Variants in KCTD18 observed in about 807,000 individuals in gnomAD.
KCTD18 encodes potassium channel tetramerization domain containing 18.
Under a neutral mutation model 30.4 loss-of-function variants are expected in KCTD18, and 22 were observed. The ratio of observed to expected loss-of-function variants is 0.72; its 90% CI spans 0.52 to 1.03. The LOEUF is 1.03. KCTD18 is among the 50% of genes least tolerant of loss of function. The probability of loss-of-function intolerance (pLI) is 0.00; values close to 1 mark genes in which losing one functional copy is unlikely to be tolerated. For synonymous variants in KCTD18, 186 were observed against 209.0 expected (o/e 0.89, Z 0.95); for missense variants, 529 against 547.6 (o/e 0.97, Z 0.34).
At chr2:200,506,340 C>A (rs1386003384) in intron 2 of KCTD18, among the ~76,000 whole-genome samples, 1 of 152,182 alleles carries the variant, frequency 6.6e-6, no homozygotes, top group Non-Finnish European at 1.5e-5. Context: ...GTCCGCTGCC[C>A]CTTTGCCTCT....
chr2:200,490,016 G>A lies in KCTD18; in HGVS notation c.*84C>T. On this transcript the variant is annotated 3_prime_UTR_variant, in exon 7 of 7. Transcript: ENST00000359878. ...CATAAACCTAAGCTTCCCCTCTGCT[G>A]CATTAAGAAAGTGTCACTTCTTTGC... 1.5e-6 allele frequency: 2 copies of A among 1,374,332 alleles called. No homozygotes were observed. The highest frequency in any genetic ancestry group is 2.0e-6 in the Non-Finnish European group (2 of 1,024,920). The allele number at this position is 1,374,332 out of a possible 1,614,324, so 85.1% of individuals were successfully genotyped here. A position where few individuals can be genotyped will look rare whatever the true frequency, so the allele number is the denominator to read the frequency against.
intron 6 of KCTD18, among the ~76,000 whole-genome samples, chr2:200,492,024 T>C (rs2087927187): frequency 6.6e-6 from 1 of 152,190 alleles, no homozygotes; most frequent in South Asian, 2.1e-4. Flanking sequence ...TCATCATCGT[T>C]ATCCTGTTGA....
chr2:200,492,224 C>T (rs2087930558), intron 6 of KCTD18, among the ~76,000 whole-genome samples: 1 of 152,078 alleles, frequency 6.6e-6, no homozygotes, highest in South Asian at 2.1e-4. Context: ...GGGGGGCTGC[C>T]CTGTGCACTG....
chr2:200,504,857 AG>A lies in KCTD18; in HGVS notation c.262del (p.Leu88TyrfsTer29). ...GCCAAAGTAATCAGCCTCTTCCTGT[AG>A]GGCGATGCGGGTTTGCTCATCTGTG... is the stretch of plus-strand genomic sequence containing the variant. ...IPTDEQTRIA[L>X]QEEADYFGIP... On this transcript the variant is annotated frameshift_variant, in exon 3 of 7. Transcript: ENST00000359878. LOFTEE classifies it high-confidence loss of function. 1 of 1,614,182 alleles carries A rather than the reference AG, an allele frequency of 6.2e-7. No homozygotes were observed. The highest frequency in any genetic ancestry group is 8.5e-7 in the Non-Finnish European group (1 of 1,180,012).
intron 5 of KCTD18, chr2:200,496,655 C>T (rs12477444): frequency 0.35 from 53,371 of 151,914 alleles, 10,298 homozygotes; most frequent in East Asian, 0.6. Flanking sequence ...CCACCATGCC[C>T]GGCTAATTTT....
chr2:200,508,342 G>A (rs144629404), intron 1 of KCTD18, among the ~76,000 whole-genome samples: 2,810 of 152,186 alleles, frequency 0.018, 47 homozygotes, highest in South Asian at 0.038. Flanking sequence ...CACCCACCTC[G>A]GCCTCCCAAA....
chr2:200,502,570 C>A (rs2029915047), intron 3 of KCTD18, among the ~76,000 whole-genome samples: 1 of 152,226 alleles, frequency 6.6e-6, no homozygotes. Context: ...TGGCACTTAT[C>A]AACCTATTCA....
In KCTD18 at chr2:200,490,565, A is replaced by T. The variant is rs2087899570; in HGVS notation, c.816T>A (p.Gly272=). 6.2e-7 allele frequency: 1 copy of T among 1,600,992 alleles called. No individual in the cohort carries two copies. Among genetic ancestry groups the T allele is most frequent in the Non-Finnish European group, 8.5e-7 (1 of 1,179,944 alleles). Residue 272 remains glycine (G), a synonymous_variant, in exon 7 of 7, where the codon GGT becomes GGA. Coordinates refer to ENST00000359878, the MANE Select transcript of KCTD18 (RefSeq NM_152387.4). ...EADESVNYKT[G]PKPVRFLGPS... ...GGCCCAAAAATCTAACTGGCTTAGG[A>T]CCAGTCTTATAGTTCACACTTTCGT...
At chr2:200,495,292 C>T (rs1030001807) in intron 5 of KCTD18, among the ~76,000 whole-genome samples, 2 of 152,108 alleles carry the variant, frequency 1.3e-5, no homozygotes, top group Admixed American at 1.3e-4. Flanking sequence ...TTTAAAATAA[C>T]TTTAATCGCT....
At chr2:200,508,602 G>C (rs1559188164) in intron 1 of KCTD18, among the ~76,000 whole-genome samples, 1 of 152,038 alleles carries the variant, frequency 6.6e-6, no homozygotes, top group African/African-American at 2.4e-5. Context: ...TTTACTCAGT[G>C]AACAACTAAG....
At chr2:200,504,664 G>C in intron 3 of KCTD18, 84 bp downstream of exon 3, 1 of 963,494 alleles carries the variant, frequency 1.0e-6, no homozygotes. Context: ...TGGTTAATGT[G>C]AAAACACAGG....
At chr2:200,508,073 T>A (rs2030297016) in intron 1 of KCTD18, among the ~76,000 whole-genome samples, 1 of 152,144 alleles carries the variant, frequency 6.6e-6, no homozygotes, top group Non-Finnish European at 1.5e-5. Context: ...TGGATGAAGC[T>A]TTAGGGAAGT....
chr2:200,508,826 G>A (rs1488550138), intron 1 of KCTD18, among the ~76,000 whole-genome samples: 3 of 152,162 alleles, frequency 2.0e-5, no homozygotes, highest in Non-Finnish European at 2.9e-5. Flanking sequence ...CACCTCTGAG[G>A]CATGGGATGG....
chr2:200,499,197 TA>T, intron 3 of KCTD18, 113 bp from the exon 4 acceptor site: 1 of 715,246 alleles, frequency 1.4e-6, no homozygotes, highest in Non-Finnish European at 2.2e-6. Flanking sequence ...ATAAGGGAAA[TA>T]AAAAGATTAT....
rs1283220083 is a variant in KCTD18, at chr2:200,509,892, C to A, written c.-340G>T. On this transcript the variant is annotated 5_prime_UTR_variant, in exon 1 of 7. Coordinates refer to ENST00000359878, the MANE Select transcript of KCTD18 (RefSeq NM_152387.4). ...CCTGCAGCCCGGGGCGCGCGCGTTACCAGCGCGGCCCGTGCCCTTCCTCAG... is the reference window on the plus strand; with the variant it reads ...CCTGCAGCCCGGGGCGCGCGCGTTAACAGCGCGGCCCGTGCCCTTCCTCAG... 6.6e-6 allele frequency: 1 copy of A among 152,030 alleles called. No homozygotes were observed. Among genetic ancestry groups the A allele is most frequent in the Non-Finnish European group, 1.5e-5 (1 of 67,984 alleles). 9.4% of individuals were successfully genotyped at this position (152,030 alleles called of 1,614,324 possible).
intron 5 of KCTD18, 71 bp downstream of exon 5, chr2:200,497,682 T>G: frequency 1.0e-6 from 1 of 965,304 alleles, no homozygotes; most frequent in Non-Finnish European, 1.7e-6. Flanking sequence ...AGAAATGCAG[T>G]ATTTGAGCTT....
At position 200,489,592 on chromosome 2, in the gene KCTD18, G is replaced by A. The variant is rs1340768495; in HGVS notation, c.*508C>T. 2 of 152,344 alleles carry A rather than the reference G, an allele frequency of 1.3e-5. No homozygotes were observed. Among genetic ancestry groups the A allele is most frequent in the African/African-American group, 4.8e-5 (2 of 41,394 alleles). The allele number at this position is 152,344 out of a possible 1,614,324, so 9.4% of individuals were successfully genotyped here. Reference sequence around the variant, plus strand: ...TTTCCTCCCCATCATTTCTTTTCACGTTGCCTTTGGAGACAGAGTAATTTG... The same window carrying A: ...TTTCCTCCCCATCATTTCTTTTCACATTGCCTTTGGAGACAGAGTAATTTG... On this transcript the variant is annotated 3_prime_UTR_variant, in exon 7 of 7. Coordinates refer to ENST00000359878, the MANE Select transcript of KCTD18 (RefSeq NM_152387.4).
rs185813104 is a variant in KCTD18, at chr2:200,490,444, G to A, written c.937C>T (p.Arg313Trp). 19 of 1,613,908 alleles carry A rather than the reference G, an allele frequency of 1.2e-5. No individual in the cohort carries two copies. Among genetic ancestry groups the A allele is most frequent in the African/African-American group, 1.3e-5 (1 of 74,930 alleles). Reference sequence around the variant, plus strand: ...TTTCTGCGGCTACCACTTTGAAACCGGTTTGCTGTCGCCCCAGCCGACGTC... The same window carrying A: ...TTTCTGCGGCTACCACTTTGAAACCAGTTTGCTGTCGCCCCAGCCGACGTC... ...IQTSAGATAN[R>W]FQSGSRRKAA... Residue 313 changes from arginine (R) to tryptophan (W), a missense_variant, in exon 7 of 7, where the codon CGG becomes TGG. Physicochemically the swap from Arg to Trp is moderately radical, Grantham distance 101. Transcript: ENST00000359878.
In KCTD18 at chr2:200,490,167, G is replaced by T. The variant is rs375338557; in HGVS notation, c.1214C>A (p.Pro405Gln). The T allele has an allele frequency of 1.2e-6, 2 of 1,610,936 alleles. No individual in the cohort carries two copies. Among genetic ancestry groups the T allele is most frequent in the South Asian group, 2.2e-5 (2 of 90,980 alleles). ...TATRQANSLK[P>Q]LPGEAARALG... Reference sequence around the variant, plus strand: ...GGCACGGGCAGCTTCGCCGGGAAGCGGCTTGAGGGAGTTGGCCTGCCTCGT... The same window carrying T: ...GGCACGGGCAGCTTCGCCGGGAAGCTGCTTGAGGGAGTTGGCCTGCCTCGT... The change falls in exon 7 of 7, where the codon CCG (proline) becomes CAG (glutamine). Residue 405 changes from proline to glutamine, a missense_variant. Transcript: ENST00000359878.
Sources: gnomAD v4.1 joint callset for allele counts (sites outside exome capture counted in the v4.1 genomes callset) on GRCh38, gnomAD v4.1.1 for gene constraint, MANE v1.5 for transcripts, NCBI Gene and HGNC (gene_info 2026-07-23, HGNC 2026-07-21) for gene names.